Variants in HERC1 observed in about 807,000 individuals in gnomAD.
The protein encoded by HERC1 is probable E3 ubiquitin-protein ligase HERC1.
In HERC1, 160 loss-of-function variants were observed where a neutral mutation model predicts 554.3. The ratio of observed to expected loss-of-function variants is 0.29; its 90% CI spans 0.25 to 0.33. The LOEUF (loss-of-function observed/expected upper bound fraction) is 0.33, where lower values mean the gene tolerates loss of function less well. HERC1 is among the 10% of genes least tolerant of loss of function. The probability of loss-of-function intolerance (pLI) is 1.00; values close to 1 mark genes in which losing one functional copy is unlikely to be tolerated. For synonymous variants in HERC1, 2,175 were observed against 2,131.7 expected (o/e 1.02, Z -0.56); for missense variants, 4,919 against 5,918.5 (o/e 0.83, Z 5.54).
intron 1 of HERC1, among the ~76,000 whole-genome samples, chr15:63,776,826 C>T (rs942368598): frequency 6.6e-6 from 1 of 152,118 alleles, no homozygotes; most frequent in Non-Finnish European, 1.5e-5. Flanking sequence ...AATAAAAAAA[C>T]TCAGTGAAAG....
At chr15:63,780,721 C>CAA (rs987167468) in intron 1 of HERC1, among the ~76,000 whole-genome samples, 1 of 134,956 alleles carries the variant, frequency 7.4e-6, no homozygotes, top group African/African-American at 2.7e-5. Context: ...GACTCCGTTT[C>CAA]AAAAAAAAAA....
rs1014953520 is a variant in HERC1, at chr15:63,725,212, T to A, written c.3568+80A>T. 10 of 1,261,232 alleles carry A rather than the reference T, an allele frequency of 7.9e-6. No homozygotes were observed. The Admixed American group carries it at 1.9e-4, about 24-fold the overall frequency. 78.1% of individuals were successfully genotyped at this position (1,261,232 alleles called of 1,614,324 possible). The stretch of plus-strand genomic sequence containing the variant: ...GCAATTGGTGCCTGTCAGTTCTCTA[T>A]TTAGCAAATCAGAATAGAGAAATCT... On this transcript the variant is annotated intron_variant, in intron 18 of 77. Transcript: ENST00000443617.
At chr15:63,796,614 A>G (rs542127624) in intron 1 of HERC1, among the ~76,000 whole-genome samples, 53 of 152,318 alleles carry the variant, frequency 3.5e-4, no homozygotes, top group African/African-American at 1.3e-3. Context: ...CATGTACCCA[A>G]GGTGGTCAGG....
Position 63,662,901 on chromosome 15 carries a change from T to C in HERC1, c.8901+83A>G. The C allele has an allele frequency of 4.8e-6, 5 of 1,035,520 alleles. No individual in the cohort carries two copies. The Admixed American group carries it at 6.5e-5, about 13-fold the overall frequency. The allele number at this position is 1,035,520 out of a possible 1,614,324, so 64.1% of individuals were successfully genotyped here. On this transcript the variant is annotated intron_variant, in intron 44 of 77. Transcript: ENST00000443617. Reference sequence around the variant, plus strand: ...AAGACTTTTTAGAGTGTTTCAACTCTAGGCAAGGCTGCTGTTAGTAAGCTA... The same window carrying C: ...AAGACTTTTTAGAGTGTTTCAACTCCAGGCAAGGCTGCTGTTAGTAAGCTA...
intron 59 of HERC1, among the ~76,000 whole-genome samples, chr15:63,642,125 C>G (rs1052789003): frequency 2.6e-5 from 4 of 152,042 alleles, no homozygotes; most frequent in Admixed American, 2.0e-4. Context: ...ATCATTTAAC[C>G]ATATAAAATG....
intron 1 of HERC1, among the ~76,000 whole-genome samples, chr15:63,792,900 C>G (rs2076693297): frequency 6.6e-6 from 1 of 152,208 alleles, no homozygotes; most frequent in African/African-American, 2.4e-5. Context: ...GTGCTTCTGA[C>G]CAACTAGCTA....
In HERC1 at chr15:63,718,518, A is replaced by G; in HGVS notation, c.3978+56T>C. On this transcript the variant is annotated intron_variant, in intron 21 of 77. Transcript: ENST00000443617. The surrounding 1 kb of genome is among the most constrained non-coding windows in gnomAD (Gnocchi z 4.2). The stretch of plus-strand genomic sequence containing the variant: ...TTTTTTCTCACATAAACCAATTTAG[A>G]GCTAGCTCTCACAGCTTGCAGAAAA... 2 of 1,498,978 alleles carry G rather than the reference A, an allele frequency of 1.3e-6. No individual in the cohort carries two copies. The highest frequency in any genetic ancestry group is 9.0e-7 in the Non-Finnish European group (1 of 1,115,010). 92.9% of individuals were successfully genotyped at this position (1,498,978 alleles called of 1,614,324 possible). A position where few individuals can be genotyped will look rare whatever the true frequency, so the allele number is the denominator to read the frequency against.
intron 1 of HERC1, among the ~76,000 whole-genome samples, chr15:63,782,920 T>C (rs2076328392): frequency 6.6e-6 from 1 of 152,140 alleles, no homozygotes; most frequent in Non-Finnish European, 1.5e-5. Flanking sequence ...AGAAGTAGAA[T>C]TAGAAGTGGA....
Position 63,634,835 on chromosome 15 carries a change from G to C in HERC1, c.12468C>G (p.Phe4156Leu), listed in dbSNP as rs1370203564. Residue 4156 changes from phenylalanine to leucine, a missense_variant, in exon 66 of 78, where the codon TTC becomes TTG. By Grantham distance (22) the Phe-to-Leu change is conservative (BLOSUM62 0). This residue lies in a region of HERC1 where 410 missense variants were observed against 467.0 expected (regional missense o/e 0.88). Transcript: ENST00000443617. ...SAVVTSDGKLFTFGNGDYGRL... is the reference protein window; with the variant it reads ...SAVVTSDGKLLTFGNGDYGRL... ...GACCATAGTCACCATTCCCAAAGGT[G>C]AACAGTTTGCCATCTGAAGTGACCA... 5.0e-6 allele frequency: 8 copies of C among 1,613,568 alleles called. No individual in the cohort carries two copies. The highest frequency in any genetic ancestry group is 6.8e-6 in the Non-Finnish European group (8 of 1,179,628).
chr15:63,627,001 G>C (rs963921088), intron 70 of HERC1, among the ~76,000 whole-genome samples: 5 of 152,104 alleles, frequency 3.3e-5, no homozygotes, highest in Non-Finnish European at 7.3e-5. Flanking sequence ...GAGGAGCTGG[G>C]ATTCAGCCCC....
At chr15:63,804,649 A>G (rs1341584803) in intron 1 of HERC1, among the ~76,000 whole-genome samples, 1 of 152,166 alleles carries the variant, frequency 6.6e-6, no homozygotes, top group African/African-American at 2.4e-5. Flanking sequence ...ATACATAAAT[A>G]AGAAAATGAA....
intron 24 of HERC1, among the ~76,000 whole-genome samples, chr15:63,710,903 G>T (rs939303050): frequency 6.6e-6 from 1 of 152,222 alleles, no homozygotes; most frequent in Non-Finnish European, 1.5e-5. Context: ...AGTAACAGAA[G>T]AGATCAGAGA....
intron 12 of HERC1, among the ~76,000 whole-genome samples, chr15:63,746,141 T>A (rs67507374): frequency 0.25 from 37,393 of 151,736 alleles, 5,205 homozygotes; most frequent in Middle Eastern, 0.39. Context: ...CGATATATAT[T>A]TTTTTTAATA....
At chr15:63,761,309 A>G (rs1009033811) in intron 3 of HERC1, among the ~76,000 whole-genome samples, 6 of 152,132 alleles carry the variant, frequency 3.9e-5, no homozygotes, top group Admixed American at 2.0e-4. Flanking sequence ...GCTGGGCGCC[A>G]TGGCTCACGT....
intron 2 of HERC1, among the ~76,000 whole-genome samples, chr15:63,767,216 T>C (rs2075809652): frequency 6.6e-6 from 1 of 151,248 alleles, no homozygotes; most frequent in South Asian, 2.1e-4. Context: ...TTGGCCACAC[T>C]GCTCTCGAAC....
At chr15:63,784,298 C>T (rs1262950428) in intron 1 of HERC1, among the ~76,000 whole-genome samples, 1 of 152,044 alleles carries the variant, frequency 6.6e-6, no homozygotes, top group Non-Finnish European at 1.5e-5. Context: ...GACCACAGTT[C>T]TAGCCAGAAA....
intron 39 of HERC1, among the ~76,000 whole-genome samples, chr15:63,670,482 G>A (rs2070852653): frequency 6.6e-6 from 1 of 152,202 alleles, no homozygotes. Flanking sequence ...ACAGGAAGGA[G>A]TAGTTCTCTG....
intron 36 of HERC1, 109 bp downstream of exon 36, chr15:63,679,968 C>T (rs2071397834): frequency 3.0e-6 from 2 of 669,476 alleles, no homozygotes; most frequent in South Asian, 5.0e-5. Flanking sequence ...TTACCTAAGT[C>T]AAGTACTTTT....
In HERC1 at chr15:63,754,602, G is replaced by T. The variant is rs1423664366; in HGVS notation, c.1677C>A (p.Asp559Glu). 2.5e-6 allele frequency: 4 copies of T among 1,613,488 alleles called. No homozygotes were observed. The highest frequency in any genetic ancestry group is 3.4e-6 in the Non-Finnish European group (4 of 1,179,558). Reference sequence around the variant, plus strand: ...AAGAAACCTCTCCTACATTGCTGATGTCTTTTACTAATGTTGGAATGTTAC... The same window carrying T: ...AAGAAACCTCTCCTACATTGCTGATTTCTTTTACTAATGTTGGAATGTTAC... Reference protein sequence around the residue: ...NSRNIPTLVKDISNVGEVSCG... With the variant: ...NSRNIPTLVKEISNVGEVSCG... Residue 559 changes from aspartate to glutamate, a missense_variant, in exon 7 of 78, where the codon GAC (aspartate) becomes GAA (glutamate). Asp to Glu is a conservative substitution (Grantham distance 45). Around this residue, in one of 11 missense-constraint regions of HERC1, gnomAD observed 744 missense variants for 1,090.0 expected, o/e 0.68. Transcript: ENST00000443617.
Sources: allele counts gnomAD v4.1 joint callset (sites outside exome capture counted in the v4.1 genomes callset), GRCh38; gene constraint gnomAD v4.1.1; regional missense constraint gnomAD v4.1.1; non-coding constraint Gnocchi (gnomAD v3.1); transcripts MANE v1.5; gene names NCBI Gene and HGNC (gene_info 2026-07-23, HGNC 2026-07-21).